The following BRINP3 variants were observed in gnomAD, a reference collection of about 807,000 sequenced individuals.
The protein encoded by BRINP3 is BMP/retinoic acid-inducible neural-specific protein 3.
A neutral mutation model predicts 71.0 loss-of-function variants in BRINP3; 19 were observed. The ratio of observed to expected loss-of-function variants is 0.27; its 90% CI spans 0.19 to 0.39. The LOEUF (loss-of-function observed/expected upper bound fraction) is 0.39, where lower values mean the gene tolerates loss of function less well. BRINP3 is among the 10% of genes least tolerant of loss of function. The pLI, the probability that BRINP3 is intolerant of heterozygous loss-of-function variation, is 1.00. For missense variants in BRINP3, 959 were observed against 940.8 expected (o/e 1.02, Z -0.25); for synonymous variants, 380 against 337.7 (o/e 1.13, Z -1.37).
chr1:190,282,866 A>C (rs1309742375), intron 2 of BRINP3, among the ~76,000 whole-genome samples: 1 of 152,042 alleles, frequency 6.6e-6, no homozygotes, highest in Non-Finnish European at 1.5e-5. Context: ...TGACTATATG[A>C]AGTGTGGCCA....
In BRINP3 at chr1:190,177,131, G is replaced by C. The variant is rs142430520; in HGVS notation, c.962-16241C>G. The stretch of plus-strand genomic sequence containing the variant: ...TCTTCATGGTTTTGTTTGTTGGTTT[G>C]TCATGGAAGCACCCACTTCTTTTTT... On this transcript the variant is annotated intron_variant, in intron 6 of 7. Coordinates refer to ENST00000367462, the MANE Select transcript of BRINP3 (RefSeq NM_199051.3). Among the ~76,000 whole-genome samples, 597 of 110,694 alleles carry C rather than the reference G, an allele frequency of 5.4e-3. 2 individuals carry two copies. The highest frequency in any genetic ancestry group is 0.019 in the African/African-American group (570 of 29,294). The allele number at this position is 110,694 out of a possible 152,430, so 72.6% of individuals were successfully genotyped here. A position where few individuals can be genotyped will look rare whatever the true frequency, so the allele number is the denominator to read the frequency against.
intron 4 of BRINP3, among the ~76,000 whole-genome samples, chr1:190,259,856 C>T (rs150685356): frequency 5.3e-5 from 8 of 151,382 alleles, no homozygotes; most frequent in African/African-American, 7.2e-5. Flanking sequence ...ATGTGAAACC[C>T]GGTCTCTACT....
At chr1:190,365,820 A>G (rs1252734565) in intron 2 of BRINP3, among the ~76,000 whole-genome samples, 2 of 145,836 alleles carry the variant, frequency 1.4e-5, no homozygotes, top group Non-Finnish European at 3.0e-5. Context: ...ATATATATAT[A>G]TATATATATA....
At chr1:190,323,253 A>G (rs1666364695) in intron 2 of BRINP3, among the ~76,000 whole-genome samples, 2 of 151,968 alleles carry the variant, frequency 1.3e-5, no homozygotes, top group African/African-American at 2.4e-5. Context: ...AAGTTGTCAA[A>G]TTTTTATTAT....
chr1:190,220,430 T>C (rs1026509621), intron 6 of BRINP3, among the ~76,000 whole-genome samples: 3 of 151,944 alleles, frequency 2.0e-5, no homozygotes, highest in Non-Finnish European at 4.4e-5. Flanking sequence ...TTAGGAGAAA[T>C]ACCTAATGTT....
chr1:190,369,226 C>T (rs1378760716), intron 2 of BRINP3, among the ~76,000 whole-genome samples: 1 of 152,018 alleles, frequency 6.6e-6, no homozygotes, highest in Non-Finnish European at 1.5e-5. Context: ...ATAATCGGGA[C>T]TCCAACATCA....
At chr1:190,225,961 A>C (rs1191604072) in intron 6 of BRINP3, 121 bp downstream of exon 6, 1 of 687,074 alleles carries the variant, frequency 1.5e-6, no homozygotes, top group African/African-American at 1.8e-5. Context: ...GTCCATTTGA[A>C]AGAATAAAAA....
At chr1:190,350,780 T>G (rs1271002166) in intron 2 of BRINP3, among the ~76,000 whole-genome samples, 1 of 151,476 alleles carries the variant, frequency 6.6e-6, no homozygotes, top group Non-Finnish European at 1.5e-5. Context: ...CCCACTATAG[T>G]TTAAATGGGC....
rs1651407785 is a variant in BRINP3 at position 190,098,590 on chromosome 1, C to T, written c.1729G>A (p.Gly577Arg). 1 of 1,614,098 alleles carries T rather than the reference C, an allele frequency of 6.2e-7. No individual in the cohort carries two copies. The highest frequency in any genetic ancestry group is 8.5e-7 in the Non-Finnish European group (1 of 1,180,010). The change falls in exon 8 of 8, where the codon GGA becomes AGA. Residue 577 changes from glycine to arginine, a missense_variant. Coordinates refer to ENST00000367462, the MANE Select transcript of BRINP3 (RefSeq NM_199051.3). ...AACCAGCTCTCAGAGTGGCTGCCTC[C>T]GAAGGGATTGACATAAACAGCCAAC... ...PVLAVYVNPF[G>R]GSHSESWFMP...
intron 1 of BRINP3, among the ~76,000 whole-genome samples, chr1:190,457,209 A>G (rs946977814): frequency 6.6e-6 from 1 of 152,158 alleles, no homozygotes; most frequent in African/African-American, 2.4e-5. Flanking sequence ...TGGGAGGCCG[A>G]GGAGGGCGGA....
chr1:190,277,118 T>TA lies in BRINP3; in HGVS notation c.427+4441_427+4442insT, dbSNP rs376769940. Among the ~76,000 whole-genome samples, 545 of 128,326 alleles carry TA rather than the reference T, an allele frequency of 4.2e-3. 5 individuals are homozygous for TA. Among genetic ancestry groups the TA allele is most frequent in the Non-Finnish European group, 6.5e-3 (379 of 58,660 alleles). 84.2% of individuals were successfully genotyped at this position (128,326 alleles called of 152,430 possible). On this transcript the variant is annotated intron_variant, in intron 3 of 7. Transcript: ENST00000367462. ...ATATATATATATATATATATATATA[T>TA]TTATATTCAGAAAAGAAAACTTTTT...
intron 2 of BRINP3, among the ~76,000 whole-genome samples, chr1:190,339,503 G>A (rs10920699): frequency 3.3e-5 from 5 of 151,866 alleles, no homozygotes; most frequent in Non-Finnish European, 7.4e-5. Flanking sequence ...GTAATTGAAG[G>A]TCAGGCAGAT....
intron 1 of BRINP3, among the ~76,000 whole-genome samples, chr1:190,458,413 C>T (rs940588398): frequency 1.3e-5 from 2 of 151,956 alleles, no homozygotes; most frequent in African/African-American, 4.8e-5. Flanking sequence ...AATAGAATGC[C>T]TAAGGCAAGC....
At chr1:190,107,916 G>A (rs1366827242) in intron 7 of BRINP3, among the ~76,000 whole-genome samples, 4 of 151,832 alleles carry the variant, frequency 2.6e-5, no homozygotes, top group South Asian at 2.1e-4. Context: ...TTCTGGTATT[G>A]TAAGTCATGT....
chr1:190,365,587 TTAATATTA>T (rs980813724), intron 2 of BRINP3, among the ~76,000 whole-genome samples: 49 of 146,400 alleles, frequency 3.3e-4, no homozygotes, highest in African/African-American at 1.1e-3. Context: ...TGATATTAAT[TTAATATTA>T]TAACAATTAT....
At chr1:190,430,817 T>C (rs1007215741) in intron 2 of BRINP3, among the ~76,000 whole-genome samples, 2 of 152,144 alleles carry the variant, frequency 1.3e-5, no homozygotes, top group African/African-American at 4.8e-5. Context: ...AGGAATCCAG[T>C]TGCTGTGTTT....
rs373952402 is a variant in BRINP3, at chr1:190,412,652, C to T, written c.236+42003G>A. On this transcript the variant is annotated intron_variant, in intron 2 of 7. Coordinates refer to ENST00000367462, the MANE Select transcript of BRINP3 (RefSeq NM_199051.3). Reference sequence around the variant, plus strand: ...TAATTTTTTGTATTTTTAGTAGAGACGGGGTTTCACCGTTTTAGCCGGGAT... The same window carrying T: ...TAATTTTTTGTATTTTTAGTAGAGATGGGGTTTCACCGTTTTAGCCGGGAT... Among the ~76,000 whole-genome samples, 28 of 150,610 alleles carry T rather than the reference C, an allele frequency of 1.9e-4. No individual in the cohort carries two copies. In the South Asian group the frequency reaches 5.7e-3, roughly 30 times the overall value.
rs113631956 is a variant in BRINP3, at chr1:190,108,795, A to G, written c.1185-9661T>C. 4.4e-3 allele frequency among the ~76,000 whole-genome samples: 662 copies of G among 151,856 alleles called. 6 individuals are homozygous for G. The highest frequency in any genetic ancestry group is 0.015 in the African/African-American group (633 of 41,418). ...AAGACTTCTCACTAACCAAAATATC[A>G]TCTGATTGGAAAAAAAATGAGTCTC... On this transcript the variant is annotated intron_variant, in intron 7 of 7. Transcript: ENST00000367462.
Position 190,387,086 on chromosome 1 carries a change from G to T in BRINP3, c.236+67569C>A, listed in dbSNP as rs577621439. 1.8e-4 allele frequency among the ~76,000 whole-genome samples: 28 copies of T among 151,996 alleles called. No individual in the cohort carries two copies. The South Asian group carries it at 5.0e-3, about 27-fold the overall frequency. On this transcript the variant is annotated intron_variant, in intron 2 of 7. Coordinates refer to ENST00000367462, the MANE Select transcript of BRINP3 (RefSeq NM_199051.3). ...CATTGTTATTGATGAATTGGAAAGG[G>T]CAATTAATGCATGCTTTTCTGGTTT...
Sources: gnomAD v4.1 joint callset for allele counts (sites outside exome capture counted in the v4.1 genomes callset) on GRCh38, gnomAD v4.1.1 for gene constraint, MANE v1.5 for transcripts, NCBI Gene and HGNC (gene_info 2026-07-23, HGNC 2026-07-21) for gene names.